PCDHGA2: variants seen among roughly 807,000 people sequenced by gnomAD.
The protein encoded by PCDHGA2 is protocadherin gamma-A2.
Under a neutral mutation model 59.2 loss-of-function variants are expected in PCDHGA2, and 40 were observed. The observed-to-expected ratio is 0.68, with a 90% CI of 0.52 to 0.88. The LOEUF (loss-of-function observed/expected upper bound fraction) is 0.88. Among genes scored for constraint, PCDHGA2 ranks in the 40% least tolerant of loss-of-function variants. The probability of loss-of-function intolerance (pLI) is 0.00; values close to 1 mark genes in which losing one functional copy is unlikely to be tolerated. For missense variants in PCDHGA2, 1,226 were observed against 1,204.0 expected, an observed-to-expected ratio of 1.02 and a Z score of -0.27; for synonymous variants, 560 against 526.0, an observed-to-expected ratio of 1.06 and a Z score of -0.89.
At chr5:141,473,735 A>G (rs529416084) in intron 1 of PCDHGA2, among the ~76,000 whole-genome samples, 75 of 152,352 alleles carry the variant, frequency 4.9e-4, no homozygotes, top group African/African-American at 1.6e-3. Context: ...GAGAGGGAGA[A>G]GACATGAGAA....
At chr5:141,464,251 C>G (rs1438610569) in intron 1 of PCDHGA2, among the ~76,000 whole-genome samples, 1 of 141,396 alleles carries the variant, frequency 7.1e-6, no homozygotes, top group African/African-American at 2.7e-5. Context: ...GGCTACAGAG[C>G]GAGACTCCGT....
chr5:141,384,717 C>T (rs575459465), intron 1 of PCDHGA2: 3 of 1,614,166 alleles, frequency 1.9e-6, no homozygotes, highest in African/African-American at 2.7e-5. Flanking sequence ...GGCTGTCATA[C>T]CTCCTGCTTA....
intron 1 of PCDHGA2, among the ~76,000 whole-genome samples, chr5:141,468,890 G>A (rs2099184679): frequency 6.6e-6 from 1 of 151,592 alleles, no homozygotes; most frequent in African/African-American, 2.4e-5. Flanking sequence ...TAATAATAAG[G>A]TACTAATATG....
At chr5:141,397,277 C>A (rs920366365) in intron 1 of PCDHGA2, among the ~76,000 whole-genome samples, 1 of 151,970 alleles carries the variant, frequency 6.6e-6, no homozygotes. Flanking sequence ...ATCATATGGG[C>A]AGTATACTTG....
intron 1 of PCDHGA2, chr5:141,376,117 C>G: frequency 6.2e-7 from 1 of 1,613,848 alleles, no homozygotes; most frequent in Non-Finnish European, 8.5e-7. Context: ...TGGGCAGCCT[C>G]GAGCCCTCCG....
chr5:141,494,807 C>A lies in PCDHGA2; in HGVS notation c.2425C>A (p.Gln809Lys), dbSNP rs568448786. Residue 809 changes from glutamine to lysine, a missense_variant and splice_region_variant, in exon 2 of 4, where the codon CAA (glutamine) becomes AAA (lysine). Coordinates refer to ENST00000394576, the MANE Select transcript of PCDHGA2 (RefSeq NM_018915.4). ...CCCTTTCCCTCTGTTTTCTCCACAGCAAGCCCCGCCCAACACGGACTGGCG... is the reference window on the plus strand; with the variant it reads ...CCCTTTCCCTCTGTTTTCTCCACAGAAAGCCCCGCCCAACACGGACTGGCG... ...EEEREETFSQ[Q>K]APPNTDWRFS... The A allele has an allele frequency of 2.5e-5, 40 of 1,614,144 alleles. No individual in the cohort carries two copies. The South Asian group carries it at 4.0e-4, about 16-fold the overall frequency.
intron 1 of PCDHGA2, chr5:141,399,375 C>T (rs548275013): frequency 1.9e-6 from 3 of 1,614,016 alleles, no homozygotes; most frequent in South Asian, 2.2e-5. Flanking sequence ...AGTACAATGT[C>T]ACCATCACAG....
Position 141,505,441 on chromosome 5 carries a change from C to A in PCDHGA2, c.2532C>A (p.Asp844Glu), listed in dbSNP as rs2099846055. 6.2e-7 allele frequency: 1 copy of A among 1,614,084 alleles called. No individual in the cohort carries two copies. Among genetic ancestry groups the A allele is most frequent in the Non-Finnish European group, 8.5e-7 (1 of 1,180,024 alleles). Reference sequence around the variant, plus strand: ...GCACCTGGCCCAACAACCAGTTTGACACAGAGATGCTGCAAGCCATGATCT... The same window carrying A: ...GCACCTGGCCCAACAACCAGTTTGAAACAGAGATGCTGCAAGCCATGATCT... ...DTGTWPNNQFDTEMLQAMILA... is the reference protein window; with the variant it reads ...DTGTWPNNQFETEMLQAMILA... Residue 844 changes from aspartate to glutamate, a missense_variant, in exon 3 of 4, where the codon GAC becomes GAA. Transcript: ENST00000394576.
intron 1 of PCDHGA2, among the ~76,000 whole-genome samples, chr5:141,386,696 G>A (rs2090675281): frequency 6.6e-6 from 1 of 152,096 alleles, no homozygotes; most frequent in African/African-American, 2.4e-5. Context: ...ACTTGGGGTA[G>A]AAGACAATGT....
chr5:141,407,591 C>T (rs878883569), intron 1 of PCDHGA2, among the ~76,000 whole-genome samples: 1 of 151,680 alleles, frequency 6.6e-6, no homozygotes, highest in Non-Finnish European at 1.5e-5. Flanking sequence ...CTTAATGTCT[C>T]ATCTTAAAAA....
At chr5:141,413,082 A>T in intron 1 of PCDHGA2, 8 of 1,344,446 alleles carry the variant, frequency 6.0e-6, no homozygotes, top group Non-Finnish European at 8.1e-6. Context: ...CCCAGGCTAC[A>T]GAGACACCCT....
chr5:141,343,884 G>A, intron 1 of PCDHGA2: 1 of 648,930 alleles, frequency 1.5e-6, no homozygotes, highest in Admixed American at 3.2e-5. Context: ...CAGAAGATCC[G>A]GGGCGGCTGC....
chr5:141,351,217 TGGA>T (rs1324886463), intron 1 of PCDHGA2: 1 of 1,613,936 alleles, frequency 6.2e-7, no homozygotes, highest in Admixed American at 1.7e-5. Context: ...AAGCTAAGGA[TGGA>T]GGAGTACACA....
chr5:141,422,304 A>C (rs1265775894), intron 1 of PCDHGA2: 2 of 1,548,406 alleles, frequency 1.3e-6, no homozygotes. Context: ...CAATTCTGGA[A>C]AACTCTCCTC....
At chr5:141,370,525 G>C in intron 1 of PCDHGA2, 1 of 1,613,874 alleles carries the variant, frequency 6.2e-7, no homozygotes, top group Non-Finnish European at 8.5e-7. Flanking sequence ...CTGGACAGGG[G>C]CTCGCTGGTA....
At chr5:141,447,957 A>T (rs1460497437) in intron 1 of PCDHGA2, among the ~76,000 whole-genome samples, 3 of 151,910 alleles carry the variant, frequency 2.0e-5, no homozygotes, top group African/African-American at 7.3e-5. Context: ...ATGGTGGCGG[A>T]CACCTATAAT....
chr5:141,419,175 C>A lies in PCDHGA2; in HGVS notation c.2425-75632C>A, dbSNP rs185228661. On this transcript the variant is annotated intron_variant, in intron 1 of 3. Transcript: ENST00000394576. Reference sequence around the variant, plus strand: ...CCGTTATCCTCCAGCAAAACCATAACCCTGCACATTACTGACGTCAATGAC... The same window carrying A: ...CCGTTATCCTCCAGCAAAACCATAAACCTGCACATTACTGACGTCAATGAC... The A allele has an allele frequency of 5.2e-4, 837 of 1,613,966 alleles. 3 individuals carry two copies. Among genetic ancestry groups the A allele is most frequent in the Non-Finnish European group, 9.3e-5 (110 of 1,179,894 alleles).
intron 1 of PCDHGA2, chr5:141,360,820 C>T: frequency 6.2e-7 from 1 of 1,613,944 alleles, no homozygotes; most frequent in Middle Eastern, 1.6e-4. Context: ...GACCCAAATC[C>T]GAATCAAAGT....
At chr5:141,383,220 C>T in intron 1 of PCDHGA2, 1 of 1,613,982 alleles carries the variant, frequency 6.2e-7, no homozygotes, top group East Asian at 2.2e-5. Context: ...TAAACTTTAA[C>T]ATCCTGATGG....
Sources: gnomAD v4.1 joint callset for allele counts (sites outside exome capture counted in the v4.1 genomes callset) on GRCh38, gnomAD v4.1.1 for gene constraint, MANE v1.5 for transcripts, NCBI Gene and HGNC (gene_info 2026-07-23, HGNC 2026-07-21) for gene names.